Variants in INPP5D observed in about 807,000 individuals in gnomAD.
INPP5D encodes the protein inositol polyphosphate-5-phosphatase D.
A neutral mutation model predicts 122.9 loss-of-function variants in INPP5D; 33 were observed. That is an observed-to-expected ratio of 0.27 (90% CI 0.20 to 0.36). The LOEUF (loss-of-function observed/expected upper bound fraction) is 0.36, where lower values mean the gene tolerates loss of function less well. INPP5D is among the 10% of genes least tolerant of loss of function. The pLI, the probability that INPP5D is intolerant of heterozygous loss-of-function variation, is 1.00. For synonymous variants in INPP5D, 584 were observed against 576.2 expected, an observed-to-expected ratio of 1.01 and a Z score of -0.19; for missense variants, 1,053 against 1,412.7, an observed-to-expected ratio of 0.75 and a Z score of 4.08.
In INPP5D at chr2:233,189,443, C is replaced by T. The variant is rs906723310; in HGVS notation, c.2359-407C>T. ...TCTGTGCTCTGTAGGGGGAGCCTGG[C>T]GCAGGGTGGAGTGCATGGATCATTC... On this transcript the variant is annotated intron_variant, in intron 21 of 26. Coordinates refer to ENST00000445964, the MANE Select transcript of INPP5D (RefSeq NM_001017915.3). The surrounding 1 kb of genome is among the most constrained non-coding windows in gnomAD (Gnocchi z 5.6). 9.2e-5 allele frequency among the ~76,000 whole-genome samples: 14 copies of T among 152,284 alleles called. No individual in the cohort carries two copies. Among genetic ancestry groups the T allele is most frequent in the African/African-American group, 3.1e-4 (13 of 41,568 alleles).
At chr2:233,125,957 C>T in intron 4 of INPP5D, 38 bp downstream of exon 4, 3 of 1,593,224 alleles carry the variant, frequency 1.9e-6, no homozygotes, top group Non-Finnish European at 2.6e-6. Flanking sequence ...CCTTCATCTG[C>T]AGTGAGCCCA....
chr2:233,158,970 C>T (rs1397078485), intron 10 of INPP5D, among the ~76,000 whole-genome samples: 1 of 152,068 alleles, frequency 6.6e-6, no homozygotes, highest in Non-Finnish European at 1.5e-5. Flanking sequence ...TTTGTAGAGA[C>T]AGAGTCTCGC....
intron 1 of INPP5D, among the ~76,000 whole-genome samples, chr2:233,075,707 C>T (rs1337431543): frequency 5.3e-5 from 8 of 152,064 alleles, no homozygotes; most frequent in African/African-American, 1.4e-4. Context: ...CCTCCACACC[C>T]GTGGAATACA....
intron 2 of INPP5D, among the ~76,000 whole-genome samples, chr2:233,111,978 C>T (rs550063381): frequency 2.7e-5 from 4 of 150,684 alleles, no homozygotes; most frequent in African/African-American, 7.3e-5. Flanking sequence ...GTGTGAGGAT[C>T]GCTGGAGCCT....
At position 233,169,423 on chromosome 2, in the gene INPP5D, AAG is replaced by A. The variant is rs758171838; in HGVS notation, c.1652+25_1652+26del. ...TCAGGTAATGGAACTCCTTCCCCCC[AAG>A]AGTGTGCATTTGGGCTGTCTGCCCA... On this transcript the variant is annotated intron_variant, in intron 14 of 26. Transcript: ENST00000445964. The A allele has an allele frequency of 5.1e-6, 8 of 1,570,068 alleles. No individual in the cohort carries two copies. The African/African-American group carries it at 1.1e-4, about 21-fold the overall frequency.
At chr2:233,097,680 A>G (rs1401656907) in intron 2 of INPP5D, among the ~76,000 whole-genome samples, 3 of 152,168 alleles carry the variant, frequency 2.0e-5, no homozygotes, top group African/African-American at 7.2e-5. Flanking sequence ...ATCTGTCTGA[A>G]TTCTCTTATT....
chr2:233,149,451 G>A (rs2106282384), intron 9 of INPP5D, among the ~76,000 whole-genome samples: 1 of 152,158 alleles, frequency 6.6e-6, no homozygotes, highest in Admixed American at 6.5e-5. Flanking sequence ...GAACTGGGAG[G>A]ACCTTGGCAG....
At position 233,198,286 on chromosome 2, in the gene INPP5D, C is replaced by G; in HGVS notation, c.2885C>G (p.Pro962Arg). ...PLGPCRGESP[P>R]TPPGQPPISP... ...GGGCCCTGCAGGGGAGAAAGTCCTC[C>G]GACACCTCCCGGCCAGCCGCCCATA... Residue 962 changes from proline to arginine, a missense_variant, in exon 25 of 27, where the codon CCG becomes CGG. Transcript: ENST00000445964. 1 of 1,613,484 alleles carries G rather than the reference C, an allele frequency of 6.2e-7. No individual in the cohort carries two copies. Among genetic ancestry groups the G allele is most frequent in the Non-Finnish European group, 8.5e-7 (1 of 1,179,882 alleles).
At chr2:233,068,193 C>G (rs6750656) in intron 1 of INPP5D, among the ~76,000 whole-genome samples, 30,224 of 149,846 alleles carry the variant, frequency 0.2, 3,584 homozygotes, top group African/African-American at 0.32. Context: ...GCTGAGGCAG[C>G]AGAATTGCTT....
At position 233,122,260 on chromosome 2, in the gene INPP5D, A is replaced by G; in HGVS notation, c.349+3A>G. 1.2e-6 allele frequency: 2 copies of G among 1,612,888 alleles called. No individual in the cohort carries two copies. The highest frequency in any genetic ancestry group is 1.7e-6 in the Non-Finnish European group (2 of 1,179,330). On this transcript the variant is annotated splice_donor_region_variant and intron_variant, in intron 3 of 26. Coordinates refer to ENST00000445964, the MANE Select transcript of INPP5D (RefSeq NM_001017915.3). ...CGACGACCCTGAGGAGGACACAGGT[A>G]GGGAGGGAGGGACAGGACGGCAGGA...
intron 11 of INPP5D, 75 bp downstream of exon 11, chr2:233,161,901 G>A (rs752976341): frequency 1.3e-6 from 2 of 1,532,986 alleles, no homozygotes; most frequent in Non-Finnish European, 1.8e-6. Context: ...CTCAAGGTGG[G>A]GTGGAGTGAC....
At chr2:233,178,218 G>T (rs1694695688) in intron 18 of INPP5D, among the ~76,000 whole-genome samples, 1 of 152,246 alleles carries the variant, frequency 6.6e-6, no homozygotes, top group South Asian at 2.1e-4. Flanking sequence ...GATCGCTTGA[G>T]CCCAGTAGTT....
chr2:233,124,933 C>T (rs1000639213), intron 3 of INPP5D, among the ~76,000 whole-genome samples: 1 of 152,230 alleles, frequency 6.6e-6, no homozygotes, highest in Non-Finnish European at 1.5e-5. Flanking sequence ...CCGTGGAGCT[C>T]GAAGCAGACT....
At chr2:233,134,170 GGGT>G (rs1335002439) in intron 5 of INPP5D, 1 of 381,002 alleles carries the variant, frequency 2.6e-6, no homozygotes, top group African/African-American at 2.1e-5. Context: ...AGGAAGGAGA[GGGT>G]GGTGGGAGGA....
chr2:233,094,115 T>C (rs763352766), intron 2 of INPP5D, among the ~76,000 whole-genome samples: 3 of 149,442 alleles, frequency 2.0e-5, no homozygotes, highest in Non-Finnish European at 3.0e-5. Context: ...AAAAAGAGAA[T>C]GTCCTATATC....
chr2:233,082,214 G>A lies in INPP5D; in HGVS notation c.198+2816G>A, dbSNP rs977017293. Among the ~76,000 whole-genome samples, 1 of 152,144 alleles carries A rather than the reference G, an allele frequency of 6.6e-6. No individual in the cohort carries two copies. Among genetic ancestry groups the A allele is most frequent in the Non-Finnish European group, 1.5e-5 (1 of 68,028 alleles). Reference sequence around the variant, plus strand: ...GGGAATTCTCATAGGATTCTCCCAGGTGGACTCACCTTCGAAAATCTACCT... The same window carrying A: ...GGGAATTCTCATAGGATTCTCCCAGATGGACTCACCTTCGAAAATCTACCT... On this transcript the variant is annotated intron_variant, in intron 2 of 26. Coordinates refer to ENST00000445964, the MANE Select transcript of INPP5D (RefSeq NM_001017915.3). This position sits in a 1 kb window ranked among gnomAD's most constrained non-coding sequence, Gnocchi z 4.7.
chr2:233,145,997 T>G (rs1194701080), intron 6 of INPP5D, 165 bp from the exon 7 acceptor site: 7 of 701,562 alleles, frequency 1.0e-5, no homozygotes, highest in Non-Finnish European at 1.6e-5. Flanking sequence ...CTGAGAAGAT[T>G]GTAGAGATCC....
chr2:233,092,416 G>A (rs957831943), intron 2 of INPP5D, among the ~76,000 whole-genome samples: 1 of 152,048 alleles, frequency 6.6e-6, no homozygotes, highest in African/African-American at 2.4e-5. Flanking sequence ...TGGGCAATGG[G>A]GAAAATGGAG....
chr2:233,158,580 T>C (rs36181983), intron 10 of INPP5D, among the ~76,000 whole-genome samples, 161 bp downstream of exon 10: 92,491 of 151,438 alleles, frequency 0.61, 29,578 homozygotes, highest in East Asian at 0.98. Flanking sequence ...TTGAGGATCA[T>C]GTTCCAGGTT....
Sources: allele counts gnomAD v4.1 joint callset (sites outside exome capture counted in the v4.1 genomes callset), GRCh38; gene constraint gnomAD v4.1.1; non-coding constraint Gnocchi (gnomAD v3.1); transcripts MANE v1.5; gene names NCBI Gene and HGNC (gene_info 2026-07-23, HGNC 2026-07-21).